The following NREP variants were observed in gnomAD, a reference collection of about 807,000 sequenced individuals.
NREP encodes neuronal regeneration related protein.
NREP carries 5 observed loss-of-function variants against 8.6 expected under a neutral mutation model. The ratio of observed to expected loss-of-function variants is 0.58; its 90% CI spans 0.30 to 1.22. NREP has a LOEUF of 1.22. Among genes scored for constraint, NREP ranks in the 50% most tolerant of loss-of-function variants. The pLI is 0.07. For missense variants in NREP, 86 were observed against 82.5 expected, an observed-to-expected ratio of 1.04 and a Z score of -0.17; for synonymous variants, 27 against 28.0, an observed-to-expected ratio of 0.96 and a Z score of 0.11.
At chr5:111,892,916 C>A (rs1215586374) in intron 2 of NREP, among the ~76,000 whole-genome samples, 1 of 152,128 alleles carries the variant, frequency 6.6e-6, no homozygotes, top group African/African-American at 2.4e-5. Context: ...GAACCTTCTA[C>A]TATGTGAAAG....
chr5:111,943,776 T>A (rs2112621079), intron 2 of NREP, among the ~76,000 whole-genome samples: 1 of 152,232 alleles, frequency 6.6e-6, no homozygotes, highest in African/African-American at 2.4e-5. Flanking sequence ...TAAGCCATAC[T>A]TAATTTTCTG....
chr5:111,912,670 G>A (rs1754946073), intron 2 of NREP: 1 of 152,040 alleles, frequency 6.6e-6, no homozygotes, highest in Admixed American at 6.6e-5. Context: ...ACAGGATCAA[G>A]ATATCTTTCT....
At chr5:111,770,492 T>C (rs1487694717) in intron 2 of NREP, among the ~76,000 whole-genome samples, 1 of 151,852 alleles carries the variant, frequency 6.6e-6, no homozygotes, top group Non-Finnish European at 1.5e-5. Flanking sequence ...GAAATTAAGT[T>C]GATGCTAACA....
chr5:111,789,602 G>C (rs535281887), intron 2 of NREP, among the ~76,000 whole-genome samples: 2 of 152,232 alleles, frequency 1.3e-5, no homozygotes, highest in African/African-American at 4.8e-5. Context: ...TTAATAACTG[G>C]TCTATAGTTT....
chr5:111,869,260 G>A (rs1284009944), intron 2 of NREP, among the ~76,000 whole-genome samples: 2 of 152,106 alleles, frequency 1.3e-5, no homozygotes, highest in African/African-American at 4.8e-5. Context: ...AAGCCTAGAG[G>A]CTCATTAAAA....
intron 2 of NREP, among the ~76,000 whole-genome samples, chr5:111,910,657 G>C (rs1259718605): frequency 1.3e-5 from 2 of 151,990 alleles, no homozygotes; most frequent in Non-Finnish European, 2.9e-5. Flanking sequence ...AAAGCACCAG[G>C]CTGTGGAGCT....
In NREP at chr5:111,887,701, T is replaced by A. The variant is rs373052970; in HGVS notation, c.135+87573A>T. ...TTCACTGAGACTGTTCACATCCAAA[T>A]GAAGATATCCCTTTACCCAGGAAAC... On this transcript the variant is annotated intron_variant, in intron 2 of 3. Coordinates refer to the NREP transcript ENST00000395634. 5.9e-5 allele frequency among the ~76,000 whole-genome samples: 9 copies of A among 152,332 alleles called. No homozygotes were observed. The South Asian group carries it at 1.9e-3, about 32-fold the overall frequency.
intron 2 of NREP, among the ~76,000 whole-genome samples, chr5:111,922,523 G>A (rs1463311581): frequency 1.3e-5 from 2 of 152,132 alleles, no homozygotes; most frequent in Non-Finnish European, 2.9e-5. Context: ...CTATTTGCCA[G>A]TCCTCCCCTG....
At chr5:111,876,467 A>T (rs1193362115) in intron 2 of NREP, among the ~76,000 whole-genome samples, 2 of 152,188 alleles carry the variant, frequency 1.3e-5, no homozygotes, top group African/African-American at 4.8e-5. Context: ...TTTGAGCAGA[A>T]TCCCAAAGCA....
chr5:111,836,708 G>A (rs1012881426), intron 2 of NREP, among the ~76,000 whole-genome samples: 1 of 152,048 alleles, frequency 6.6e-6, no homozygotes, highest in Non-Finnish European at 1.5e-5. Context: ...GGCAGTGGTT[G>A]TGACATGGAA....
chr5:111,805,023 C>A (rs1478599229), intron 2 of NREP, among the ~76,000 whole-genome samples: 1 of 118,372 alleles, frequency 8.4e-6, no homozygotes, highest in Non-Finnish European at 1.8e-5. Flanking sequence ...AACAACAAAA[C>A]GAAAAGAAAC....
chr5:111,944,435 G>C (rs139375652), intron 2 of NREP, among the ~76,000 whole-genome samples: 1 of 152,134 alleles, frequency 6.6e-6, no homozygotes, highest in East Asian at 1.9e-4. Context: ...AGACTCCCAG[G>C]CAGCTGGGAC....
chr5:111,780,404 CAG>C (rs755262167), intron 2 of NREP, among the ~76,000 whole-genome samples: 2 of 151,990 alleles, frequency 1.3e-5, no homozygotes, highest in African/African-American at 2.4e-5. Flanking sequence ...TAGAGGGAAA[CAG>C]GGAGAGAGGA....
chr5:111,808,922 T>C (rs561883258), intron 2 of NREP, among the ~76,000 whole-genome samples: 2 of 152,364 alleles, frequency 1.3e-5, no homozygotes, highest in Admixed American at 6.5e-5. Context: ...GAAATATTTG[T>C]TGAGTGACTA....
rs73787722 is a variant in NREP, at chr5:111,910,613, G to C, written c.135+64661C>G. 9.7e-3 allele frequency among the ~76,000 whole-genome samples: 1,479 copies of C among 152,158 alleles called. 23 individuals are homozygous for C. Among genetic ancestry groups the C allele is most frequent in the South Asian group, 0.028 (136 of 4,816 alleles). On this transcript the variant is annotated intron_variant, in intron 2 of 3. Coordinates refer to the NREP transcript ENST00000395634. ...GCTAAGGATAAAAAATGCTTGCCGA[G>C]TATGGGTTTAGGCATGAAGATTTGG...
At chr5:111,882,199 C>T (rs1754098279) in intron 2 of NREP, among the ~76,000 whole-genome samples, 1 of 151,982 alleles carries the variant, frequency 6.6e-6, no homozygotes, top group African/African-American at 2.4e-5. Flanking sequence ...GCCTCAGGAG[C>T]CGATGTGATC....
intron 1 of NREP, chr5:111,976,679 A>C: frequency 6.5e-7 from 1 of 1,534,902 alleles, no homozygotes; most frequent in Non-Finnish European, 8.8e-7. Context: ...GTCCCCTCAT[A>C]TGCATACACA....
intron 2 of NREP, among the ~76,000 whole-genome samples, chr5:111,955,437 T>C (rs547427270): frequency 5.9e-4 from 88 of 150,410 alleles, no homozygotes; most frequent in Admixed American, 1.1e-3. Context: ...GAACAACAAA[T>C]TTGGCCATAA....
intron 2 of NREP, among the ~76,000 whole-genome samples, chr5:111,806,168 G>A (rs1403078210): frequency 6.6e-6 from 1 of 152,160 alleles, no homozygotes; most frequent in Admixed American, 6.5e-5. Flanking sequence ...AACAGGCATA[G>A]ACTTATAAAT....
Sources: allele counts gnomAD v4.1 joint callset (sites outside exome capture counted in the v4.1 genomes callset), GRCh38; gene constraint gnomAD v4.1.1; transcripts MANE v1.5; gene names NCBI Gene and HGNC (gene_info 2026-07-23, HGNC 2026-07-21).